Variants in DST observed in about 807,000 individuals in gnomAD.
DST encodes the protein bullous pemphigoid antigen.
In DST, 253 loss-of-function variants were observed where a neutral mutation model predicts 875.2. The observed-to-expected ratio is 0.29, with a 90% CI of 0.26 to 0.32. The LOEUF is 0.32. Among genes scored for constraint, DST ranks in the 10% least tolerant of loss-of-function variants. The pLI is 1.00. For missense variants in DST, 8,287 were observed against 9,111.6 expected (o/e 0.91, Z 3.68); for synonymous variants, 3,124 against 3,197.1 (o/e 0.98, Z 0.77).
chr6:56,486,838 G>A (rs966110346), intron 87 of DST, among the ~76,000 whole-genome samples: 15 of 152,192 alleles, frequency 9.9e-5, no homozygotes, highest in African/African-American at 2.9e-4. Flanking sequence ...ATGGGAAGAC[G>A]AGTCAGAAGC....
At chr6:56,620,016 T>A in intron 36 of DST, 1 of 1,613,990 alleles carries the variant, frequency 6.2e-7, no homozygotes, top group South Asian at 1.1e-5. Context: ...GCCTGTGTGA[T>A]CGGACACACT....
chr6:56,603,049 G>A lies in DST; in HGVS notation c.11158-18C>T, dbSNP rs757799705. 6.4e-7 allele frequency: 1 copy of A among 1,556,172 alleles called. No individual in the cohort carries two copies. The highest frequency in any genetic ancestry group is 1.2e-5 in the South Asian group (1 of 80,792). The stretch of plus-strand genomic sequence containing the variant: ...AGTTTAGACTAGAAAAAAAAATTGT[G>A]CATTCAGTTATCTTTCCCCAAAATG... On this transcript the variant is annotated intron_variant, in intron 42 of 103. Transcript: ENST00000680361.
In DST at chr6:56,555,619, G is replaced by T. The variant is rs748235662; in HGVS notation, c.14862C>A (p.Ser4954Arg). ...GTTTATCAGAAAGGCTTCTCAGCAG[G>T]CTTTGATACTGTGTGCTTTTAACAA... Reference protein sequence around the residue: ...QAIVKSTQYQSLLRSLSDKLS... With the variant: ...QAIVKSTQYQRLLRSLSDKLS... Residue 4954 changes from serine (S) to arginine (R), a missense_variant, in exon 60 of 104, where the codon AGC becomes AGA. Transcript: ENST00000680361. 17 of 1,613,984 alleles carry T rather than the reference G, an allele frequency of 1.1e-5. No individual in the cohort carries two copies. The highest frequency in any genetic ancestry group is 1.3e-5 in the Non-Finnish European group (15 of 1,179,892).
rs747658940 is a variant in DST at position 56,592,236 on chromosome 6, A to T, written c.12849T>A (p.Ser4283=). ...ACEATASKHL[S]EPIAVDPKNL... ...TTTTGGGGTCCACCGCAATAGGTTC[A>T]GATAAGTGTTTGCTCGCTGTGGCCT... The change falls in exon 49 of 104, where the codon TCT becomes TCA. Residue 4283 remains serine (S), a synonymous_variant. Coordinates refer to ENST00000680361, the MANE Select transcript of DST (RefSeq NM_001374736.1). The T allele has an allele frequency of 6.2e-7, 1 of 1,613,668 alleles. No individual in the cohort carries two copies. Among genetic ancestry groups the T allele is most frequent in the Non-Finnish European group, 8.5e-7 (1 of 1,179,782 alleles).
chr6:56,946,328 T>A (rs1173686908), intron 2 of DST, among the ~76,000 whole-genome samples: 1 of 152,208 alleles, frequency 6.6e-6, no homozygotes, highest in Non-Finnish European at 1.5e-5. Context: ...TGTGAGTGGT[T>A]CTAAATAGTA....
At chr6:56,459,694 T>C (rs1046188871) in intron 103 of DST, among the ~76,000 whole-genome samples, 2 of 152,144 alleles carry the variant, frequency 1.3e-5, no homozygotes, top group Admixed American at 1.3e-4. Context: ...ACAGATGAGA[T>C]TGGAAACTTT....
chr6:56,629,214 A>C (rs748593625), intron 32 of DST, 36 bp downstream of exon 32: 1 of 1,603,818 alleles, frequency 6.2e-7, no homozygotes, highest in South Asian at 1.1e-5. Flanking sequence ...ATAGACATTA[A>C]ATCTGTGCTA....
In DST at chr6:56,511,448, T is replaced by C. The variant is rs200585974; in HGVS notation, c.18577-48A>G. The C allele has an allele frequency of 7.5e-4, 1,118 of 1,499,426 alleles. 2 individuals carry two copies. The highest frequency in any genetic ancestry group is 7.5e-4 in the Non-Finnish European group (825 of 1,104,998). 92.9% of individuals were successfully genotyped at this position (1,499,426 alleles called of 1,614,324 possible). A position where few individuals can be genotyped will look rare whatever the true frequency, so the allele number is the denominator to read the frequency against. ...TCAGTATCTCAGGGTCACACCTCCA[T>C]ATTACAGCTGTCTACACCTGCAATG... On this transcript the variant is annotated intron_variant, in intron 72 of 103. Coordinates refer to ENST00000680361, the MANE Select transcript of DST (RefSeq NM_001374736.1).
At chr6:56,532,148 G>A (rs2096906794) in intron 64 of DST, among the ~76,000 whole-genome samples, 196 bp downstream of exon 64, 1 of 152,168 alleles carries the variant, frequency 6.6e-6, no homozygotes, top group Non-Finnish European at 1.5e-5. Context: ...GTCTTAAAAA[G>A]TTGGGATATA....
intron 55 of DST, among the ~76,000 whole-genome samples, chr6:56,564,376 CTATTA>C (rs1167811181): frequency 6.6e-6 from 1 of 151,990 alleles, no homozygotes; most frequent in East Asian, 1.9e-4. Flanking sequence ...GGCTGTTTGT[CTATTA>C]TTTGTGTACA....
intron 9 of DST, among the ~76,000 whole-genome samples, chr6:56,698,731 A>G (rs1485833076): frequency 6.6e-6 from 1 of 152,230 alleles, no homozygotes; most frequent in Non-Finnish European, 1.5e-5. Flanking sequence ...ACAGTAATCT[A>G]TTGGTAAGAT....
intron 60 of DST, among the ~76,000 whole-genome samples, chr6:56,555,091 G>A (rs1029515062): frequency 2.0e-5 from 3 of 152,104 alleles, no homozygotes; most frequent in Non-Finnish European, 2.9e-5. Context: ...CCAGTTTGGG[G>A]TACCTGAGAT....
chr6:56,538,555 C>T (rs2097060148), intron 61 of DST, among the ~76,000 whole-genome samples: 1 of 152,120 alleles, frequency 6.6e-6, no homozygotes, highest in Non-Finnish European at 1.5e-5. Context: ...GATGTAGAGG[C>T]TGCAGGAGAC....
At chr6:56,599,213 A>C (rs1413979087) in intron 45 of DST, among the ~76,000 whole-genome samples, 2 of 152,076 alleles carry the variant, frequency 1.3e-5, no homozygotes, top group African/African-American at 4.8e-5. Flanking sequence ...GTACCTCAAG[A>C]TTAAGATCTC....
chr6:56,940,025 C>CA (rs1237617226), intron 2 of DST, among the ~76,000 whole-genome samples: 46 of 138,540 alleles, frequency 3.3e-4, no homozygotes, highest in African/African-American at 7.0e-4. Context: ...GACTCCGTCT[C>CA]AAAAAAAAAA....
chr6:56,623,453 C>T (rs190087793), intron 36 of DST, among the ~76,000 whole-genome samples: 3,899 of 151,848 alleles, frequency 0.026, 75 homozygotes, highest in Non-Finnish European at 0.041. Flanking sequence ...TATCCTGGTT[C>T]TCCTAAGCAC....
At chr6:56,871,657 T>C (rs965847950) in intron 3 of DST, 6 of 735,050 alleles carry the variant, frequency 8.2e-6, no homozygotes, top group Non-Finnish European at 1.5e-5. Context: ...AAGGAACAAA[T>C]TGTTCCTAAA....
At chr6:56,665,315 C>A (rs146165426) in intron 10 of DST, among the ~76,000 whole-genome samples, 5 of 152,272 alleles carry the variant, frequency 3.3e-5, no homozygotes, top group Middle Eastern at 3.4e-3. Flanking sequence ...AGTTAAACAA[C>A]TAAATTAAAC....
rs1376049194 is a variant in DST, at chr6:56,942,389, C to T, written c.216+11396G>A. 4.6e-5 allele frequency among the ~76,000 whole-genome samples: 7 copies of T among 151,926 alleles called. No individual in the cohort carries two copies. In the East Asian group the frequency reaches 9.6e-4, roughly 21 times the overall value. On this transcript the variant is annotated intron_variant, in intron 2 of 103. Transcript: ENST00000680361. ...TTTCAATCTGTCTCTCCTGGTTTTT[C>T]GTTCCTGTGTTCCCTTTTTCTTGCC...
Sources: allele counts gnomAD v4.1 joint callset (sites outside exome capture counted in the v4.1 genomes callset), GRCh38; gene constraint gnomAD v4.1.1; transcripts MANE v1.5; gene names NCBI Gene and HGNC (gene_info 2026-07-23, HGNC 2026-07-21).